The following GRIK1 variants were observed in gnomAD, a reference collection of about 807,000 sequenced individuals.
The protein encoded by GRIK1 is glutamate receptor ionotropic, kainate 1.
Under a neutral mutation model 105.7 loss-of-function variants are expected in GRIK1, and 69 were observed. That is an observed-to-expected ratio of 0.65 (90% CI 0.54 to 0.80). GRIK1 has a LOEUF of 0.80. Ranked by LOEUF, GRIK1 falls within the 30% of genes least tolerant of loss-of-function variation. GRIK1 has a pLI of 0.00. For synonymous variants in GRIK1, 438 were observed against 431.3 expected (o/e 1.02, Z -0.19); for missense variants, 1,109 against 1,167.3 (o/e 0.95, Z 0.73).
At chr21:29,610,424 G>A (rs2061706277) in intron 7 of GRIK1, among the ~76,000 whole-genome samples, 1 of 152,012 alleles carries the variant, frequency 6.6e-6, no homozygotes, top group South Asian at 2.1e-4. Flanking sequence ...ACCCAGGAAG[G>A]GTCAGAGAGA....
In GRIK1 at chr21:29,588,833, A is replaced by G; in HGVS notation, c.1569+6T>C. 2.8e-6 allele frequency: 4 copies of G among 1,436,128 alleles called. No homozygotes were observed. The highest frequency in any genetic ancestry group is 3.9e-6 in the Non-Finnish European group (4 of 1,019,804). The allele number at this position is 1,436,128 out of a possible 1,614,324, so 89.0% of individuals were successfully genotyped here. On this transcript the variant is annotated splice_donor_region_variant and intron_variant, in intron 11 of 17. Transcript: ENST00000327783. The stretch of plus-strand genomic sequence containing the variant: ...TTTCAGATATGTTAGAAATATTGTT[A>G]CTTACGTGATCTATGAGTTCTTTAA...
At chr21:29,905,410 A>T (rs936919783) in intron 1 of GRIK1, among the ~76,000 whole-genome samples, 2 of 140,258 alleles carry the variant, frequency 1.4e-5, no homozygotes, top group African/African-American at 5.6e-5. Context: ...ACTTATTTTT[A>T]AAAATTTTTA....
intron 1 of GRIK1, among the ~76,000 whole-genome samples, chr21:29,796,776 C>T (rs1312019068): frequency 6.6e-6 from 1 of 152,040 alleles, no homozygotes; most frequent in Non-Finnish European, 1.5e-5. Context: ...TGGTGAAACC[C>T]CATCTCTACT....
chr21:29,782,093 T>C (rs1465152462), intron 1 of GRIK1, among the ~76,000 whole-genome samples: 2 of 151,212 alleles, frequency 1.3e-5, no homozygotes, highest in South Asian at 2.1e-4. Flanking sequence ...CACCTTTTTT[T>C]TTTTTTTTTC....
intron 1 of GRIK1, among the ~76,000 whole-genome samples, chr21:29,892,306 A>C (rs1278226336): frequency 6.6e-6 from 1 of 152,204 alleles, no homozygotes; most frequent in Non-Finnish European, 1.5e-5. Context: ...TTGAGAAGCT[A>C]GGAGGTAAAG....
At chr21:29,745,595 A>G (rs1317838065) in intron 1 of GRIK1, among the ~76,000 whole-genome samples, 6 of 152,184 alleles carry the variant, frequency 3.9e-5, no homozygotes, top group African/African-American at 1.4e-4. Context: ...TCCCTCAATG[A>G]ATACTTATGT....
chr21:29,641,104 C>T (rs1232331659), intron 7 of GRIK1, among the ~76,000 whole-genome samples: 1 of 152,126 alleles, frequency 6.6e-6, no homozygotes, highest in Non-Finnish European at 1.5e-5. Flanking sequence ...TACAGTCATG[C>T]TGTGGGGTAG....
chr21:29,704,183 A>G (rs879900389), intron 1 of GRIK1, among the ~76,000 whole-genome samples: 4 of 152,218 alleles, frequency 2.6e-5, no homozygotes, highest in Non-Finnish European at 4.4e-5. Flanking sequence ...TGCTAGGAGG[A>G]GTGGAAAATA....
At chr21:29,851,061 T>A (rs2068288701) in intron 1 of GRIK1, among the ~76,000 whole-genome samples, 1 of 152,066 alleles carries the variant, frequency 6.6e-6, no homozygotes, top group Admixed American at 6.5e-5. Context: ...GATTTCTTTT[T>A]TTTTTTTTCT....
At chr21:29,730,751 T>A (rs1390948785) in intron 1 of GRIK1, among the ~76,000 whole-genome samples, 1 of 152,210 alleles carries the variant, frequency 6.6e-6, no homozygotes, top group African/African-American at 2.4e-5. Context: ...ACAATTCTTT[T>A]GTGATTTCAT....
At chr21:29,540,402 A>C (rs547756881) in intron 16 of GRIK1, among the ~76,000 whole-genome samples, 1 of 152,286 alleles carries the variant, frequency 6.6e-6, no homozygotes, top group East Asian at 1.9e-4. Context: ...CTGACTGTTG[A>C]AAAGAAAATG....
intron 1 of GRIK1, among the ~76,000 whole-genome samples, chr21:29,710,071 G>A (rs955332014): frequency 1.3e-4 from 19 of 151,312 alleles, no homozygotes; most frequent in African/African-American, 4.1e-4. Context: ...TACAATAAAT[G>A]CAAATTAAAA....
At position 29,589,424 on chromosome 21, in the gene GRIK1, C is replaced by CTT. The variant is rs71822803; in HGVS notation, c.1366-384_1366-383dup. ...GCTTTTTTTTGTATGACCCTTCTGG[C>CTT]TTTTTTTTTTTTTTTCTGACGGAAT... On this transcript the variant is annotated intron_variant, in intron 10 of 17. Coordinates refer to ENST00000327783, the MANE Select transcript of GRIK1 (RefSeq NM_001330994.2). Among the ~76,000 whole-genome samples the CTT allele has an allele frequency of 4.8e-3, 655 of 137,240 alleles. 4 individuals are homozygous for CTT. The highest frequency in any genetic ancestry group is 0.016 in the African/African-American group (607 of 37,120). 90.0% of individuals were successfully genotyped at this position (137,240 alleles called of 152,430 possible). A position where few individuals can be genotyped will look rare whatever the true frequency, so the allele number is the denominator to read the frequency against.
At chr21:29,928,262 T>G (rs1396783457) in intron 1 of GRIK1, among the ~76,000 whole-genome samples, 1 of 152,240 alleles carries the variant, frequency 6.6e-6, no homozygotes, top group Non-Finnish European at 1.5e-5. Flanking sequence ...TGTTGCTTCT[T>G]TCGTTGCTGC....
intron 4 of GRIK1, among the ~76,000 whole-genome samples, chr21:29,662,350 A>T (rs1003982969): frequency 6.6e-6 from 1 of 152,226 alleles, no homozygotes; most frequent in Non-Finnish European, 1.5e-5. Flanking sequence ...ACAGGAGAGA[A>T]TGGAACTTTT....
chr21:29,904,571 G>A (rs1359920335), intron 1 of GRIK1, among the ~76,000 whole-genome samples: 1 of 152,114 alleles, frequency 6.6e-6, no homozygotes, highest in African/African-American at 2.4e-5. Context: ...AATGACTCAC[G>A]CTTCTCAGAC....
At chr21:29,595,850 C>T (rs1204152433) in intron 9 of GRIK1, among the ~76,000 whole-genome samples, 1 of 152,192 alleles carries the variant, frequency 6.6e-6, no homozygotes, top group African/African-American at 2.4e-5. Context: ...TAAATCTATG[C>T]ACATTCATTG....
intron 1 of GRIK1, among the ~76,000 whole-genome samples, chr21:29,900,514 A>G (rs1174580404): frequency 6.6e-6 from 1 of 151,306 alleles, no homozygotes; most frequent in Non-Finnish European, 1.5e-5. Flanking sequence ...GATAAAACAG[A>G]CTCTAAACCA....
At chr21:29,562,693 T>C (rs375170910) in intron 14 of GRIK1, among the ~76,000 whole-genome samples, 179 of 152,270 alleles carry the variant, frequency 1.2e-3, no homozygotes, top group African/African-American at 4.2e-3. Flanking sequence ...ACTGTATTTA[T>C]ATGCCTTTTT....
Sources: gnomAD v4.1 joint callset for allele counts (sites outside exome capture counted in the v4.1 genomes callset) on GRCh38, gnomAD v4.1.1 for gene constraint, MANE v1.5 for transcripts, NCBI Gene and HGNC (gene_info 2026-07-23, HGNC 2026-07-21) for gene names.